NALF1: variants seen among roughly 807,000 people sequenced by gnomAD.
NALF1 encodes the protein family with sequence similarity 155 member A.
NALF1 carries 3 observed loss-of-function variants against 48.4 expected under a neutral mutation model. The ratio of observed to expected loss-of-function variants is 0.06; its 90% confidence interval spans 0.03 to 0.16. The LOEUF (loss-of-function observed/expected upper bound fraction) is 0.16, where lower values mean the gene tolerates loss of function less well. Ranked by LOEUF, NALF1 falls within the 10% of genes least tolerant of loss-of-function variation. The pLI is 1.00. For missense variants in NALF1, 526 were observed against 571.5 expected (o/e 0.92, Z 0.81); for synonymous variants, 262 against 245.7 (o/e 1.07, Z -0.62).
At chr13:107,427,253 T>C (rs913570908) in intron 1 of NALF1, among the ~76,000 whole-genome samples, 1 of 151,794 alleles carries the variant, frequency 6.6e-6, no homozygotes, top group African/African-American at 2.4e-5. Flanking sequence ...AATTACACTA[T>C]TTTTCCATTG....
intron 1 of NALF1, among the ~76,000 whole-genome samples, chr13:107,211,306 C>T (rs1434984839): frequency 6.6e-6 from 1 of 152,178 alleles, no homozygotes; most frequent in East Asian, 1.9e-4. Context: ...TCATGACTCA[C>T]ACCAAATGCA....
intron 1 of NALF1, among the ~76,000 whole-genome samples, chr13:107,333,357 TA>T (rs1345930661): frequency 6.6e-6 from 1 of 152,118 alleles, no homozygotes; most frequent in Non-Finnish European, 1.5e-5. Flanking sequence ...ATTTAGGCTG[TA>T]AAATCACCAA....
At chr13:107,665,572 T>TC (rs1880836714) in intron 1 of NALF1, among the ~76,000 whole-genome samples, 1 of 152,134 alleles carries the variant, frequency 6.6e-6, no homozygotes, top group South Asian at 2.1e-4. Context: ...TTTCCCCCTC[T>TC]CCATTTCTGC....
At chr13:107,281,953 T>C (rs1471339994) in intron 1 of NALF1, among the ~76,000 whole-genome samples, 1 of 152,100 alleles carries the variant, frequency 6.6e-6, no homozygotes, top group South Asian at 2.1e-4. Flanking sequence ...GTCTCTCCTT[T>C]AAAACGTGGG....
At chr13:107,497,673 G>C (rs903687799) in intron 1 of NALF1, among the ~76,000 whole-genome samples, 1 of 152,110 alleles carries the variant, frequency 6.6e-6, no homozygotes, top group Non-Finnish European at 1.5e-5. Flanking sequence ...TAGCACTTTG[G>C]ATACAGCTAT....
chr13:107,464,543 G>A lies in NALF1; in HGVS notation c.916-253788C>T, dbSNP rs530935259. Among the ~76,000 whole-genome samples the A allele has an allele frequency of 5.3e-5, 8 of 151,258 alleles. 1 individual carries two copies. The highest frequency in any genetic ancestry group is 2.6e-4 in the Admixed American group (4 of 15,216). ...TTTTTTTTTAATTTTTTTTTGAGAC[G>A]GAGTTTCACTCTTGTTGCCCAGGCT... is the stretch of plus-strand genomic sequence containing the variant. On this transcript the variant is annotated intron_variant, in intron 1 of 2. Transcript: ENST00000375915.
intron 1 of NALF1, among the ~76,000 whole-genome samples, chr13:107,864,843 A>T (rs1361849018): frequency 6.6e-6 from 1 of 152,224 alleles, no homozygotes; most frequent in Admixed American, 6.5e-5. Context: ...CAAGGGTTAT[A>T]TTCTTTATTA....
chr13:107,673,720 G>A (rs1387666240), intron 1 of NALF1, among the ~76,000 whole-genome samples: 2 of 152,048 alleles, frequency 1.3e-5, no homozygotes, highest in Non-Finnish European at 2.9e-5. Flanking sequence ...GTGAGATGAT[G>A]GAGATGTTAA....
chr13:107,522,811 G>A (rs1023862516), intron 1 of NALF1, among the ~76,000 whole-genome samples: 2 of 151,802 alleles, frequency 1.3e-5, no homozygotes, highest in African/African-American at 4.8e-5. Context: ...GTAGAGACAG[G>A]GTTTCTCCAT....
chr13:107,216,251 ACTTTGACGCATAACG>A (rs1879870621), intron 1 of NALF1, among the ~76,000 whole-genome samples: 2 of 152,352 alleles, frequency 1.3e-5, no homozygotes, highest in South Asian at 4.1e-4. Context: ...AGGCTAATGC[ACTTTGACGCATAACG>A]CATGTTGCTA....
chr13:107,407,469 A>C (rs568468587), intron 1 of NALF1, among the ~76,000 whole-genome samples: 2 of 152,264 alleles, frequency 1.3e-5, no homozygotes, highest in Non-Finnish European at 2.9e-5. Context: ...ACATTACTCA[A>C]AAGAAGACAT....
intron 1 of NALF1, among the ~76,000 whole-genome samples, chr13:107,407,854 T>C (rs1001682885): frequency 5.9e-5 from 9 of 152,068 alleles, no homozygotes; most frequent in Admixed American, 2.0e-4. Context: ...AACCTAAGTG[T>C]CCATCAACAG....
At chr13:107,553,718 A>G (rs1877369178) in intron 1 of NALF1, among the ~76,000 whole-genome samples, 1 of 152,200 alleles carries the variant, frequency 6.6e-6, no homozygotes, top group Non-Finnish European at 1.5e-5. Context: ...ACTACAGCAA[A>G]TAATTAGTTA....
intron 1 of NALF1, among the ~76,000 whole-genome samples, chr13:107,806,897 A>G (rs1005642463): frequency 1.3e-5 from 2 of 152,162 alleles, no homozygotes; most frequent in African/African-American, 4.8e-5. Flanking sequence ...AATCATTCTT[A>G]TAAATTAAAT....
chr13:107,522,453 T>C (rs57687652), intron 1 of NALF1, among the ~76,000 whole-genome samples: 3,049 of 152,238 alleles, frequency 0.02, 99 homozygotes, highest in African/African-American at 0.069. Flanking sequence ...TAAATATTTG[T>C]CTTCTATCTT....
chr13:107,776,951 G>T (rs1877750874), intron 1 of NALF1, among the ~76,000 whole-genome samples: 1 of 152,038 alleles, frequency 6.6e-6, no homozygotes, highest in Non-Finnish European at 1.5e-5. Context: ...ACTTAGCCAG[G>T]CATGGTGGCT....
intron 1 of NALF1, among the ~76,000 whole-genome samples, chr13:107,610,416 T>C (rs1879194684): frequency 6.6e-6 from 1 of 152,088 alleles, no homozygotes; most frequent in South Asian, 2.1e-4. Flanking sequence ...ATTGTATATA[T>C]TAATGAAAAG....
chr13:107,817,070 G>A (rs902931613), intron 1 of NALF1, among the ~76,000 whole-genome samples: 2 of 152,134 alleles, frequency 1.3e-5, no homozygotes, highest in Non-Finnish European at 2.9e-5. Context: ...GAGTGTGAGG[G>A]AAAGAGCAAG....
At chr13:107,241,341 A>C (rs992167522) in intron 1 of NALF1, among the ~76,000 whole-genome samples, 2 of 152,138 alleles carry the variant, frequency 1.3e-5, no homozygotes. Flanking sequence ...CTCGCCGAGC[A>C]CCACACAGTG....
Sources: allele counts gnomAD v4.1 joint callset (sites outside exome capture counted in the v4.1 genomes callset), GRCh38; gene constraint gnomAD v4.1.1; transcripts MANE v1.5; gene names NCBI Gene and HGNC (gene_info 2026-07-23, HGNC 2026-07-21).